The following DENND5B variants were observed in gnomAD, a reference collection of about 807,000 sequenced individuals.
DENND5B encodes DENN domain containing 5B.
A neutral mutation model predicts 140.6 loss-of-function variants in DENND5B; 34 were observed. The ratio of observed to expected loss-of-function variants is 0.24; its 90% confidence interval spans 0.18 to 0.32. The LOEUF (loss-of-function observed/expected upper bound fraction) is 0.32. Among genes scored for constraint, DENND5B ranks in the 10% least tolerant of loss-of-function variants. The pLI, the probability that DENND5B is intolerant of heterozygous loss-of-function variation, is 1.00. For missense variants in DENND5B, 1,142 were observed against 1,560.2 expected, an observed-to-expected ratio of 0.73 and a Z score of 4.52; for synonymous variants, 551 against 562.1, an observed-to-expected ratio of 0.98 and a Z score of 0.28.
intron 12 of DENND5B, 53 bp downstream of exon 12, chr12:31,415,314 A>G: frequency 7.0e-7 from 1 of 1,430,678 alleles, no homozygotes; most frequent in South Asian, 1.3e-5. Context: ...TAAAAGCCAC[A>G]AAATACTTCA....
intron 1 of DENND5B, among the ~76,000 whole-genome samples, chr12:31,576,548 T>C (rs1950025569): frequency 6.6e-6 from 1 of 152,200 alleles, no homozygotes; most frequent in African/African-American, 2.4e-5. Flanking sequence ...CAGTTTCTGC[T>C]AGAAATGAAG....
At chr12:31,439,934 A>G (rs1159574014) in intron 7 of DENND5B, among the ~76,000 whole-genome samples, 2 of 101,098 alleles carry the variant, frequency 2.0e-5, no homozygotes, top group South Asian at 6.3e-4. Context: ...CGTCTCAAAA[A>G]AAAAAAAAAA....
intron 1 of DENND5B, among the ~76,000 whole-genome samples, chr12:31,519,998 G>A (rs1214800112): frequency 1.3e-5 from 2 of 152,146 alleles, no homozygotes; most frequent in Non-Finnish European, 2.9e-5. Flanking sequence ...TTTGCTACCT[G>A]TTCAGGCATT....
chr12:31,424,817 A>G (rs1943164452), intron 9 of DENND5B, 130 bp from the exon 10 acceptor site: 1 of 1,207,326 alleles, frequency 8.3e-7, no homozygotes, highest in Non-Finnish European at 1.2e-6. Flanking sequence ...TCACCTTGGG[A>G]AAAAAATCTC....
At position 31,590,821 on chromosome 12, in the gene DENND5B, G is replaced by A. The variant is rs542715497; in HGVS notation, c.12C>T (p.Ser4=). 6 of 1,277,150 alleles carry A rather than the reference G, an allele frequency of 4.7e-6. No individual in the cohort carries two copies. The highest frequency in any genetic ancestry group is 5.9e-6 in the Non-Finnish European group (6 of 1,015,940). 79.1% of individuals were successfully genotyped at this position (1,277,150 alleles called of 1,614,324 possible). The change falls in exon 1 of 21, where the codon AGC becomes AGT. Residue 4 remains serine (S), a synonymous_variant. Transcript: ENST00000389082. MSG[S]CAAPGPGSGS... The stretch of plus-strand genomic sequence containing the variant: ...CCGAGCCCGGGCCGGGCGCCGCGCA[G>A]CTCCCGCTCATCCCGGCCGCGCTGC...
chr12:31,406,755 G>A (rs982076736), intron 14 of DENND5B, among the ~76,000 whole-genome samples: 3 of 152,128 alleles, frequency 2.0e-5, no homozygotes, highest in African/African-American at 4.8e-5. Flanking sequence ...CTCAGATGAA[G>A]AGAAATCTAC....
Position 31,399,696 on chromosome 12 carries a change from T to A in DENND5B, c.3026A>T (p.Asp1009Val). The change falls in exon 16 of 21, where the codon GAT becomes GTT. Residue 1009 changes from aspartate to valine, a missense_variant. This residue lies in a region of DENND5B where 268 missense variants were observed against 349.2 expected (regional missense o/e 0.77). Transcript: ENST00000389082. ...GATTTCATTTCTGACCATGACACAATCCACTAGCCATTTGGCTAACAGTCC... is the reference window on the plus strand; with the variant it reads ...GATTTCATTTCTGACCATGACACAAACCACTAGCCATTTGGCTAACAGTCC... ...NSGLLAKWLV[D>V]CVMVRNEITG... 6.2e-7 allele frequency: 1 copy of A among 1,613,960 alleles called. No homozygotes were observed. The highest frequency in any genetic ancestry group is 8.5e-7 in the Non-Finnish European group (1 of 1,179,902).
Position 31,452,193 on chromosome 12 carries a change from G to A in DENND5B, c.1376C>T (p.Ala459Val). The stretch of plus-strand genomic sequence containing the variant: ...AGCCACACCAGTACGCTTGGCCAGA[G>A]CCTGCAAGCGGGCTATGGTTTCATT... ...KGNETIARLQALAKRTGVAVE... is the reference protein window; with the variant it reads ...KGNETIARLQVLAKRTGVAVE... Residue 459 changes from alanine to valine, a missense_variant, in exon 5 of 21, where the codon GCT (alanine) becomes GTT (valine). Around this residue, in one of 5 missense-constraint regions of DENND5B, gnomAD observed 708 missense variants for 905.5 expected, o/e 0.78. Coordinates refer to ENST00000389082, the MANE Select transcript of DENND5B (RefSeq NM_144973.4). The A allele has an allele frequency of 1.2e-6, 2 of 1,613,958 alleles. No homozygotes were observed. The highest frequency in any genetic ancestry group is 1.7e-6 in the Non-Finnish European group (2 of 1,179,892).
chr12:31,470,247 T>C (rs963305179), intron 3 of DENND5B, among the ~76,000 whole-genome samples: 2 of 151,434 alleles, frequency 1.3e-5, no homozygotes, highest in Non-Finnish European at 2.9e-5. Context: ...CCCGAGTAGC[T>C]GGGATTACAG....
intron 1 of DENND5B, among the ~76,000 whole-genome samples, chr12:31,528,550 G>A (rs1417086529): frequency 6.6e-6 from 1 of 152,124 alleles, no homozygotes; most frequent in Non-Finnish European, 1.5e-5. Flanking sequence ...ATAGTGAGAT[G>A]TATTTGAATT....
At chr12:31,489,827 G>C (rs1199704119) in intron 2 of DENND5B, among the ~76,000 whole-genome samples, 1 of 152,192 alleles carries the variant, frequency 6.6e-6, no homozygotes, top group Non-Finnish European at 1.5e-5. Flanking sequence ...GTCAGGAGCA[G>C]CTTCTCTATA....
At chr12:31,435,724 G>A (rs1036782159) in intron 7 of DENND5B, among the ~76,000 whole-genome samples, 13 of 152,098 alleles carry the variant, frequency 8.5e-5, no homozygotes, top group Admixed American at 2.0e-4. Context: ...ACAGTGGCAA[G>A]ACCTCGGCTC....
At chr12:31,574,643 C>T (rs575098191) in intron 1 of DENND5B, among the ~76,000 whole-genome samples, 82 of 152,120 alleles carry the variant, frequency 5.4e-4, no homozygotes, top group African/African-American at 2.0e-3. Context: ...TTGGAATCAC[C>T]AGTATGGTTC....
At chr12:31,481,249 C>A (rs1271379202) in intron 2 of DENND5B, among the ~76,000 whole-genome samples, 2 of 152,096 alleles carry the variant, frequency 1.3e-5, no homozygotes, top group African/African-American at 4.8e-5. Flanking sequence ...TCTCCCACAT[C>A]CCCACATTAC....
intron 1 of DENND5B, among the ~76,000 whole-genome samples, chr12:31,543,273 A>T (rs1053837475): frequency 6.6e-6 from 1 of 152,162 alleles, no homozygotes; most frequent in Non-Finnish European, 1.5e-5. Flanking sequence ...TAGAGTTTCC[A>T]TATGTTTTGT....
intron 1 of DENND5B, among the ~76,000 whole-genome samples, chr12:31,580,235 AT>A (rs1449271189): frequency 9.2e-5 from 14 of 152,040 alleles, no homozygotes; most frequent in Non-Finnish European, 1.3e-4. Flanking sequence ...TTAAAAAAAA[AT>A]CAAAGCCTTG....
At chr12:31,581,231 A>G (rs973358889) in intron 1 of DENND5B, among the ~76,000 whole-genome samples, 2 of 152,212 alleles carry the variant, frequency 1.3e-5, no homozygotes, top group Non-Finnish European at 2.9e-5. Flanking sequence ...AAATTATTCT[A>G]AGATCTCAAT....
At position 31,590,687 on chromosome 12, in the gene DENND5B, G is replaced by A. The variant is rs1299178784; in HGVS notation, c.127+19C>T. 41 of 1,459,650 alleles carry A rather than the reference G, an allele frequency of 2.8e-5. No homozygotes were observed. The highest frequency in any genetic ancestry group is 3.5e-5 in the Non-Finnish European group (39 of 1,110,780). 90.4% of individuals were successfully genotyped at this position (1,459,650 alleles called of 1,614,324 possible). A position where few individuals can be genotyped will look rare whatever the true frequency, so the allele number is the denominator to read the frequency against. ...CGCGCCCCTGAGGGGGCTCAGCGCC[G>A]CCGCAGCCCTGGCCTTACCCGCCAG... On this transcript the variant is annotated intron_variant, in intron 1 of 20. Transcript: ENST00000389082.
intron 8 of DENND5B, among the ~76,000 whole-genome samples, chr12:31,430,117 G>T (rs561998179): frequency 7.9e-5 from 12 of 151,670 alleles, no homozygotes; most frequent in Admixed American, 7.2e-4. Context: ...CCGCCTCCCA[G>T]GTTCAAGCAA....
Sources: gnomAD v4.1 joint callset for allele counts (sites outside exome capture counted in the v4.1 genomes callset) on GRCh38, gnomAD v4.1.1 for gene constraint, gnomAD v4.1.1 regional missense constraint, MANE v1.5 for transcripts, NCBI Gene and HGNC (gene_info 2026-07-23, HGNC 2026-07-21) for gene names.